Variants in MGST1 observed in about 807,000 individuals in gnomAD.
MGST1 encodes glutathione S-transferase 12.
Under a neutral mutation model 8.9 loss-of-function variants are expected in MGST1, and 5 were observed. The observed-to-expected ratio is 0.56, with a 90% CI of 0.29 to 1.19. The LOEUF is 1.19. Among genes scored for constraint, MGST1 ranks in the 50% most tolerant of loss-of-function variants. The probability of loss-of-function intolerance (pLI) is 0.08; values close to 1 mark genes in which losing one functional copy is unlikely to be tolerated. For missense variants in MGST1, 182 were observed against 187.4 expected (o/e 0.97, Z 0.17); for synonymous variants, 54 against 67.8 (o/e 0.80, Z 1.00).
chr12:16,562,819 G>A (rs910974524), intron 4 of MGST1, among the ~76,000 whole-genome samples: 1 of 152,190 alleles, frequency 6.6e-6, no homozygotes, highest in Non-Finnish European at 1.5e-5. Context: ...CCTTGGAATG[G>A]TCCGAGTCTC....
chr12:16,461,763 C>T (rs1039779466), intron 4 of MGST1, among the ~76,000 whole-genome samples: 4 of 152,082 alleles, frequency 2.6e-5, no homozygotes, highest in African/African-American at 9.7e-5. Flanking sequence ...ACAACCTGTA[C>T]CCAGAACAAC....
chr12:16,550,520 T>C (rs910207221), intron 4 of MGST1: 1 of 152,470 alleles, frequency 6.6e-6, no homozygotes, highest in African/African-American at 2.4e-5. Context: ...TTCACGTTGG[T>C]ATAAAATGAA....
chr12:16,458,581 G>A lies in MGST1; in HGVS notation n.482+74977G>A, dbSNP rs1037122633. On this transcript the variant is annotated intron_variant and non_coding_transcript_variant, in intron 4 of 4. Transcript: ENST00000538857. This position sits in a 1 kb window ranked among gnomAD's most constrained non-coding sequence, Gnocchi z 4.0. ...ATTGCTTTATCAATGAATCTTGGCT[G>A]TACAAGGAAAAGTATTGCTTTAATA... Among the ~76,000 whole-genome samples, 1 of 151,974 alleles carries A rather than the reference G, an allele frequency of 6.6e-6. No homozygotes were observed. Among genetic ancestry groups the A allele is most frequent in the Non-Finnish European group, 1.5e-5 (1 of 67,968 alleles).
intron 1 of MGST1, among the ~76,000 whole-genome samples, chr12:16,435,417 C>T (rs1940976170): frequency 6.6e-6 from 1 of 151,854 alleles, no homozygotes; most frequent in African/African-American, 2.4e-5. Context: ...AACAAATTTG[C>T]ACTTCTAATT....
chr12:16,526,223 C>A (rs1266804943), intron 4 of MGST1, among the ~76,000 whole-genome samples: 1 of 151,636 alleles, frequency 6.6e-6, no homozygotes, highest in African/African-American at 2.4e-5. Flanking sequence ...CTTGCCCATG[C>A]CTATGTCCTG....
At position 16,539,326 on chromosome 12, in the gene MGST1, C is replaced by A. The variant is rs1229595688; in HGVS notation, n.483-50202C>A. 1.3e-5 allele frequency among the ~76,000 whole-genome samples: 2 copies of A among 152,204 alleles called. 1 individual carries two copies. The highest frequency in any genetic ancestry group is 4.2e-4 in the South Asian group (2 of 4,816). ...ATTTTAACAGGTTGTCTGAGTAATACAATTTAAAGAGTAAGGGGGTATTAC... is the reference window on the plus strand; with the variant it reads ...ATTTTAACAGGTTGTCTGAGTAATAAAATTTAAAGAGTAAGGGGGTATTAC... On this transcript the variant is annotated intron_variant and non_coding_transcript_variant, in intron 4 of 4. Coordinates refer to the MGST1 transcript ENST00000538857.
At chr12:16,444,456 C>T (rs1408384282) in intron 4 of MGST1, among the ~76,000 whole-genome samples, 1 of 151,784 alleles carries the variant, frequency 6.6e-6, no homozygotes, top group Non-Finnish European at 1.5e-5. Flanking sequence ...TGTGCATAGA[C>T]ATAAGCACCT....
rs779226429 is a variant in MGST1, at chr12:16,376,051, T to G, written c.222-71T>G. ...ATTTTATACATATATATAAATGTAT[T>G]TTATGTGTTCACGTGTGTGTATATA... On this transcript the variant is annotated intron_variant, in intron 3 of 3. Transcript: ENST00000535309. 9.4e-6 allele frequency: 10 copies of G among 1,062,172 alleles called. No homozygotes were observed. In the East Asian group the frequency reaches 2.9e-4, roughly 30 times the overall value. The allele number at this position is 1,062,172 out of a possible 1,614,324, so 65.8% of individuals were successfully genotyped here. A position where few individuals can be genotyped will look rare whatever the true frequency, so the allele number is the denominator to read the frequency against.
chr12:16,461,895 T>C (rs566196810), intron 4 of MGST1, among the ~76,000 whole-genome samples: 45 of 152,272 alleles, frequency 3.0e-4, no homozygotes, highest in African/African-American at 1.1e-3. Flanking sequence ...TTACTTGGTT[T>C]ACCAAGATGA....
chr12:16,424,477 A>G (rs1246490795), intron 1 of MGST1, among the ~76,000 whole-genome samples: 1 of 152,180 alleles, frequency 6.6e-6, no homozygotes, highest in Non-Finnish European at 1.5e-5. Context: ...ATACTTTTTC[A>G]TGTTTGAACA....
At chr12:16,533,877 A>G (rs1941738385) in intron 4 of MGST1, among the ~76,000 whole-genome samples, 1 of 152,162 alleles carries the variant, frequency 6.6e-6, no homozygotes, top group Non-Finnish European at 1.5e-5. Context: ...AGGTGAGTTA[A>G]TGTTTGCCGG....
intron 4 of MGST1, among the ~76,000 whole-genome samples, chr12:16,535,325 A>G (rs1004441118): frequency 5.6e-4 from 86 of 152,308 alleles, no homozygotes; most frequent in African/African-American, 2.0e-3. Context: ...CTCAATGTAT[A>G]ATATACACAG....
intron 4 of MGST1, among the ~76,000 whole-genome samples, chr12:16,459,445 C>T (rs1241733066): frequency 6.6e-6 from 1 of 152,112 alleles, no homozygotes; most frequent in Non-Finnish European, 1.5e-5. Flanking sequence ...ACATTATTTC[C>T]TTTCTCCCTT....
intron 2 of MGST1, chr12:16,354,710 A>G (rs1939630996): frequency 1.2e-5 from 2 of 169,728 alleles, no homozygotes; most frequent in East Asian, 1.7e-4. Flanking sequence ...GAAAACAATC[A>G]TTTTCTAGAC....
chr12:16,547,987 T>C lies in MGST1; in HGVS notation n.483-41541T>C, dbSNP rs376701690. On this transcript the variant is annotated intron_variant and non_coding_transcript_variant, in intron 4 of 4. Transcript: ENST00000538857. This position sits in a 1 kb window ranked among gnomAD's most constrained non-coding sequence, Gnocchi z 4.6. Reference sequence around the variant, plus strand: ...GCCCTGTTTCAGTTAAGGTGCAACATCTCTTCTGTAAAAATGTAGAATTGA... The same window carrying C: ...GCCCTGTTTCAGTTAAGGTGCAACACCTCTTCTGTAAAAATGTAGAATTGA... Among the ~76,000 whole-genome samples, 4 of 152,296 alleles carry C rather than the reference T, an allele frequency of 2.6e-5. No individual in the cohort carries two copies. Among genetic ancestry groups the C allele is most frequent in the African/African-American group, 9.6e-5 (4 of 41,562 alleles).
intron 1 of MGST1, among the ~76,000 whole-genome samples, chr12:16,415,779 G>A (rs936309106): frequency 5.6e-4 from 85 of 152,086 alleles, no homozygotes; most frequent in African/African-American, 2.0e-3. Context: ...GTGTGTATGT[G>A]GAGGGTTGCT....
At chr12:16,529,582 T>C (rs986631974) in intron 4 of MGST1, among the ~76,000 whole-genome samples, 1 of 152,060 alleles carries the variant, frequency 6.6e-6, no homozygotes, top group Non-Finnish European at 1.5e-5. Context: ...ACATCTTCCT[T>C]ACTGATATAA....
intron 2 of MGST1, 63 bp downstream of exon 2, chr12:16,354,441 C>A: frequency 6.6e-7 from 1 of 1,524,380 alleles, no homozygotes; most frequent in Non-Finnish European, 8.8e-7. Flanking sequence ...GAGCAGTTTT[C>A]TTAATTTTCT....
intron 4 of MGST1, among the ~76,000 whole-genome samples, chr12:16,572,629 T>G (rs1178485811): frequency 6.7e-6 from 1 of 148,728 alleles, no homozygotes; most frequent in African/African-American, 2.4e-5. Context: ...ATCCAACTTC[T>G]AACTTGTAAA....
Sources: allele counts gnomAD v4.1 joint callset (sites outside exome capture counted in the v4.1 genomes callset), GRCh38; gene constraint gnomAD v4.1.1; non-coding constraint Gnocchi (gnomAD v3.1); transcripts MANE v1.5; gene names NCBI Gene and HGNC (gene_info 2026-07-23, HGNC 2026-07-21).